The following ACSF2 variants were observed in gnomAD, a reference collection of about 807,000 sequenced individuals.
The protein encoded by ACSF2 is medium-chain acyl-CoA ligase ACSF2, mitochondrial.
Under a neutral mutation model 79.3 loss-of-function variants are expected in ACSF2, and 52 were observed. The ratio of observed to expected loss-of-function variants is 0.66; its 90% CI spans 0.53 to 0.83. The LOEUF is 0.83. Among genes scored for constraint, ACSF2 ranks in the 40% least tolerant of loss-of-function variants. The pLI is 0.00. For missense variants in ACSF2, 661 were observed against 803.3 expected (o/e 0.82, Z 2.14); for synonymous variants, 283 against 312.6 (o/e 0.91, Z 1.00).
At chr17:50,461,951 T>TGTGTGTGTGTGTGTGTGTGTGTGCGC (rs112810352) in intron 4 of ACSF2, among the ~76,000 whole-genome samples, 2 of 150,366 alleles carry the variant, frequency 1.3e-5, no homozygotes, top group African/African-American at 4.9e-5. Flanking sequence ...TGTGTGTGTG[T>TGTGTGTGTGTGTGTGTGTGTGTGCGC]GCGTGTGTCC....
rs1176315533 is a variant in ACSF2 at position 50,426,319 on chromosome 17, G to A, written c.58G>A (p.Val20Met). 3 of 1,421,584 alleles carry A rather than the reference G, an allele frequency of 2.1e-6. No homozygotes were observed. The highest frequency in any genetic ancestry group is 3.2e-5 in the South Asian group (2 of 61,908). The allele number at this position is 1,421,584 out of a possible 1,614,324, so 88.1% of individuals were successfully genotyped here. ...GAGGCTGTGCGCCGGGAGCTCGGGG[G>A]TGCTGGGGGCCCGGGCCGCCCTCTC... ...LGRLCAGSSG[V>M]LGARAALSRS... Residue 20 changes from valine to methionine, a missense_variant, in exon 1 of 16, where the codon GTG (valine) becomes ATG (methionine). Transcript: ENST00000300441.
chr17:50,469,518 G>A (rs1835957852), intron 10 of ACSF2, among the ~76,000 whole-genome samples: 1 of 148,210 alleles, frequency 6.7e-6, no homozygotes, highest in Non-Finnish European at 1.5e-5. Context: ...TTCCAACCCC[G>A]CTTGCGTTTC....
At chr17:50,452,665 C>A (rs528770017) in intron 1 of ACSF2, among the ~76,000 whole-genome samples, 89 of 151,874 alleles carry the variant, frequency 5.9e-4, no homozygotes, top group Non-Finnish European at 1.1e-3. Flanking sequence ...ACGTGTATCC[C>A]AGAACTTAAA....
chr17:50,471,756 G>T lies in ACSF2; in HGVS notation c.1323+621G>T. On this transcript the variant is annotated intron_variant, in intron 11 of 15. Transcript: ENST00000300441. The surrounding 1 kb of genome is among the most constrained non-coding windows in gnomAD (Gnocchi z 4.1). ...CGTGCACAAGCAGCTGCTTCCCCTGGGGCTGACCGCTGTCCTGGCGTGAAT... is the reference window on the plus strand; with the variant it reads ...CGTGCACAAGCAGCTGCTTCCCCTGTGGCTGACCGCTGTCCTGGCGTGAAT... The T allele has an allele frequency of 6.3e-6, 1 of 158,586 alleles. No homozygotes were observed. The allele number at this position is 158,586 out of a possible 1,614,324, so 9.8% of individuals were successfully genotyped here.
At chr17:50,452,648 G>A (rs59683821) in intron 1 of ACSF2, among the ~76,000 whole-genome samples, 5,323 of 152,070 alleles carry the variant, frequency 0.035, 300 homozygotes, top group African/African-American at 0.12. Flanking sequence ...AAACCTGCAC[G>A]TTCTACACGT....
At chr17:50,462,715 C>T in intron 6 of ACSF2, 130 bp downstream of exon 6, 1 of 1,097,300 alleles carries the variant, frequency 9.1e-7, no homozygotes, top group Non-Finnish European at 1.3e-6. Flanking sequence ...TTCAGCTGTC[C>T]TCTCTGCCCT....
chr17:50,436,237 C>A (rs1245604742), intron 1 of ACSF2, among the ~76,000 whole-genome samples: 2 of 150,812 alleles, frequency 1.3e-5, no homozygotes, highest in South Asian at 4.2e-4. Context: ...TCACGCCATT[C>A]TCCTGCCTCA....
At chr17:50,465,605 G>A (rs1285792737) in intron 10 of ACSF2, 18 of 1,496,564 alleles carry the variant, frequency 1.2e-5, no homozygotes, top group Admixed American at 1.8e-5. Flanking sequence ...ATGCTTATTA[G>A]GTAGCAGATC....
chr17:50,450,223 G>GT (rs2031581003), intron 1 of ACSF2: 1 of 154,690 alleles, frequency 6.5e-6, no homozygotes, highest in African/African-American at 2.4e-5. Flanking sequence ...GCATCAAGAA[G>GT]TTGATCCAGC....
At chr17:50,457,080 A>G (rs1382608072) in intron 1 of ACSF2, among the ~76,000 whole-genome samples, 1 of 151,952 alleles carries the variant, frequency 6.6e-6, no homozygotes, top group Non-Finnish European at 1.5e-5. Context: ...CAAACAGACA[A>G]ACAATAAAAA....
chr17:50,445,984 A>C (rs1340340655), intron 1 of ACSF2, among the ~76,000 whole-genome samples: 1 of 152,174 alleles, frequency 6.6e-6, no homozygotes, highest in Non-Finnish European at 1.5e-5. Context: ...TTGTACCATG[A>C]CTGTCCAGAA....
intron 1 of ACSF2, among the ~76,000 whole-genome samples, chr17:50,440,632 T>G (rs994331517): frequency 6.6e-6 from 1 of 152,228 alleles, no homozygotes; most frequent in African/African-American, 2.4e-5. Flanking sequence ...AGCCCCCGAC[T>G]TTAGTTGCCA....
At chr17:50,440,378 C>T (rs571074163) in intron 1 of ACSF2, among the ~76,000 whole-genome samples, 1 of 152,172 alleles carries the variant, frequency 6.6e-6, no homozygotes, top group Non-Finnish European at 1.5e-5. Flanking sequence ...ATTTCCACCC[C>T]CCGACAGGGG....
chr17:50,461,029 G>A (rs1038008553), intron 2 of ACSF2, 157 bp downstream of exon 2: 25 of 1,122,594 alleles, frequency 2.2e-5, no homozygotes, highest in African/African-American at 4.7e-5. Flanking sequence ...CAGGACTGAC[G>A]CACAAGGGGT....
At chr17:50,426,904 G>T (rs189245546) in intron 1 of ACSF2, 1 of 1,535,756 alleles carries the variant, frequency 6.5e-7, no homozygotes, top group South Asian at 1.2e-5. Flanking sequence ...TCTGTCCTCA[G>T]TGCAAGGGGT....
intron 1 of ACSF2, chr17:50,427,001 G>GTGT: frequency 6.5e-7 from 1 of 1,535,522 alleles, no homozygotes; most frequent in Non-Finnish European, 8.7e-7. Flanking sequence ...TGCCTTCCCG[G>GTGT]TGTGACCAGT....
Position 50,474,827 on chromosome 17 carries a change from T to C in ACSF2, c.*275T>C. On this transcript the variant is annotated 3_prime_UTR_variant, in exon 16 of 16. Transcript: ENST00000300441. This position sits in a 1 kb window ranked among gnomAD's most constrained non-coding sequence, Gnocchi z 4.2. ...TGTGATTTGGCATAAAGAGCTTCTG[T>C]TTTCTTTGGCTTCTTGCTGGTGGGC... 1 of 454,620 alleles carries C rather than the reference T, an allele frequency of 2.2e-6. No individual in the cohort carries two copies. The highest frequency in any genetic ancestry group is 2.9e-5 in the South Asian group (1 of 34,376). The allele number at this position is 454,620 out of a possible 1,614,324, so 28.2% of individuals were successfully genotyped here. A position where few individuals can be genotyped will look rare whatever the true frequency, so the allele number is the denominator to read the frequency against.
chr17:50,433,945 G>C (rs1314580410), intron 1 of ACSF2, among the ~76,000 whole-genome samples: 1 of 151,984 alleles, frequency 6.6e-6, no homozygotes, highest in Non-Finnish European at 1.5e-5. Flanking sequence ...TCTTGAGAGA[G>C]TTTTCTAAAC....
chr17:50,436,223 G>A (rs139544900), intron 1 of ACSF2, among the ~76,000 whole-genome samples: 15,673 of 151,694 alleles, frequency 0.1, 1,135 homozygotes, highest in Middle Eastern at 0.21. Flanking sequence ...TCCGCCTACC[G>A]GGTTCACGCC....
Sources: gnomAD v4.1 joint callset for allele counts (sites outside exome capture counted in the v4.1 genomes callset) on GRCh38, gnomAD v4.1.1 for gene constraint, Gnocchi (gnomAD v3.1) non-coding constraint, MANE v1.5 for transcripts, NCBI Gene and HGNC (gene_info 2026-07-23, HGNC 2026-07-21) for gene names.